The following KIF2A variants were observed in gnomAD, a reference collection of about 807,000 sequenced individuals.
KIF2A encodes the protein kinesin family member 2A.
KIF2A carries 22 observed loss-of-function variants against 100.2 expected under a neutral mutation model. The observed-to-expected ratio is 0.22, with a 90% CI of 0.16 to 0.31. KIF2A has a LOEUF of 0.31. Among genes scored for constraint, KIF2A ranks in the 10% least tolerant of loss-of-function variants. KIF2A has a pLI of 1.00. For synonymous variants in KIF2A, 268 were observed against 285.9 expected (o/e 0.94, Z 0.63); for missense variants, 495 against 898.7 (o/e 0.55, Z 5.74).
rs1371071130 is a variant in KIF2A, at chr5:62,347,230, A to G, written c.159+6A>G. ...GAGATACAAAAGGCAAAGAGGTAAG[A>G]TCACTGAGTTTAATTTTATTCCTAG... On this transcript the variant is annotated splice_donor_region_variant and intron_variant, in intron 2 of 20. Coordinates refer to ENST00000407818, the MANE Select transcript of KIF2A (RefSeq NM_001098511.3). 5.5e-6 allele frequency: 8 copies of G among 1,458,978 alleles called. No individual in the cohort carries two copies. In the African/African-American group the frequency reaches 1.1e-4, roughly 20 times the overall value. The allele number at this position is 1,458,978 out of a possible 1,614,324, so 90.4% of individuals were successfully genotyped here.
At chr5:62,358,726 A>C (rs1176512658) in intron 9 of KIF2A, among the ~76,000 whole-genome samples, 1 of 152,200 alleles carries the variant, frequency 6.6e-6, no homozygotes, top group African/African-American at 2.4e-5. Flanking sequence ...GCTGGAGTGC[A>C]GTGGCACGAT....
intron 1 of KIF2A, among the ~76,000 whole-genome samples, chr5:62,339,894 C>G (rs1002115803): frequency 6.7e-6 from 1 of 148,982 alleles, no homozygotes; most frequent in Non-Finnish European, 1.5e-5. Flanking sequence ...AAAGAAAAGC[C>G]AAAATATGAT....
chr5:62,347,504 T>C (rs1194478226), intron 2 of KIF2A, among the ~76,000 whole-genome samples: 1 of 152,252 alleles, frequency 6.6e-6, no homozygotes, highest in Non-Finnish European at 1.5e-5. Context: ...TATGTGGTTC[T>C]ATTGGTCACT....
Position 62,373,719 on chromosome 5 carries a change from C to T in KIF2A, c.1793C>T (p.Ala598Val). The T allele has an allele frequency of 6.2e-7, 1 of 1,613,546 alleles. No individual in the cohort carries two copies. The highest frequency in any genetic ancestry group is 1.1e-5 in the South Asian group (1 of 91,060). The change falls in exon 18 of 21, where the codon GCT (alanine) becomes GTT (valine). Residue 598 changes from alanine (A) to valine (V), a missense_variant. By Grantham distance (64) the Ala-to-Val change is moderately conservative. Transcript: ENST00000407818. Reference protein sequence around the residue: ...VKELTVDPTAAGDVRPIMHHP... With the variant: ...VKELTVDPTAVGDVRPIMHHP... Reference sequence around the variant, plus strand: ...GAATTGACTGTAGATCCAACTGCTGCTGGTGATGTTCGTCCAATAATGCAC... The same window carrying T: ...GAATTGACTGTAGATCCAACTGCTGTTGGTGATGTTCGTCCAATAATGCAC...
intron 15 of KIF2A, 22 bp downstream of exon 15, chr5:62,365,375 GTTTGT>G (rs770566509): frequency 7.9e-7 from 1 of 1,272,298 alleles, no homozygotes; most frequent in South Asian, 1.3e-5. Flanking sequence ...TTTATTTTTT[GTTTGT>G]TTTATTTTAA....
At position 62,372,502 on chromosome 5, in the gene KIF2A, G is replaced by T. The variant is rs373103381; in HGVS notation, c.1711G>T (p.Asp571Tyr). The change falls in exon 17 of 21, where the codon GAT becomes TAT. Residue 571 changes from aspartate to tyrosine, a missense_variant. This residue lies in a region of KIF2A where 100 missense variants were observed against 138.2 expected (regional missense o/e 0.72). Coordinates refer to ENST00000407818, the MANE Select transcript of KIF2A (RefSeq NM_001098511.3). ...PFSQGSGSRP[D>Y]LSPSYEYDDF... ...CTCACAGGGTAGTGGCAGTCGCCCT[G>T]ATCTCTCTCCTTCTTATGAATATGA... 1.9e-6 allele frequency: 3 copies of T among 1,612,948 alleles called. No homozygotes were observed. Among genetic ancestry groups the T allele is most frequent in the Non-Finnish European group, 2.5e-6 (3 of 1,179,184 alleles).
At chr5:62,311,497 A>G (rs765891573) in intron 1 of KIF2A, among the ~76,000 whole-genome samples, 1 of 152,216 alleles carries the variant, frequency 6.6e-6, no homozygotes, top group South Asian at 2.1e-4. Flanking sequence ...GAAGATTTCA[A>G]AGGACCCATC....
At chr5:62,348,603 A>G (rs746703446) in intron 3 of KIF2A, among the ~76,000 whole-genome samples, 8 of 152,214 alleles carry the variant, frequency 5.3e-5, no homozygotes, top group African/African-American at 2.4e-5. Context: ...GTTCACTTCT[A>G]TATTGACTGT....
At position 62,363,842 on chromosome 5, in the gene KIF2A, G is replaced by A. The variant is rs754391420; in HGVS notation, c.1410G>A (p.Ala470=). The A allele has an allele frequency of 3.0e-5, 49 of 1,613,638 alleles. No individual in the cohort carries two copies. The highest frequency in any genetic ancestry group is 4.0e-5 in the African/African-American group (3 of 74,886). ...GNERGADTSS[A]DRQTRLEGAE... Reference sequence around the variant, plus strand: ...AAAGAGGAGCTGATACTTCCAGTGCGGACAGGCAAACTAGGCTTGAAGGTG... The same window carrying A: ...AAAGAGGAGCTGATACTTCCAGTGCAGACAGGCAAACTAGGCTTGAAGGTG... Residue 470 remains alanine, a synonymous_variant, in exon 14 of 21, where the codon GCG becomes GCA. Transcript: ENST00000407818.
intron 16 of KIF2A, among the ~76,000 whole-genome samples, chr5:62,366,925 A>T (rs1033178567): frequency 2.0e-5 from 3 of 152,224 alleles, no homozygotes; most frequent in African/African-American, 7.2e-5. Context: ...TTATTCCTTA[A>T]GATGACAATA....
rs147311325 is a variant in KIF2A at position 62,343,036 on chromosome 5, G to A, written c.65-4094G>A. 5.2e-3 allele frequency among the ~76,000 whole-genome samples: 796 copies of A among 152,258 alleles called. 8 individuals are homozygous for A. Among genetic ancestry groups the A allele is most frequent in the African/African-American group, 0.018 (749 of 41,550 alleles). On this transcript the variant is annotated intron_variant, in intron 1 of 20. Coordinates refer to ENST00000407818, the MANE Select transcript of KIF2A (RefSeq NM_001098511.3). ...CAAAGTGCTGGGATTACAGGCGTGAGCCACCGCACCCAGCCTGGTCTGAAA... is the reference window on the plus strand; with the variant it reads ...CAAAGTGCTGGGATTACAGGCGTGAACCACCGCACCCAGCCTGGTCTGAAA...
chr5:62,345,532 T>C (rs1002336137), intron 1 of KIF2A, among the ~76,000 whole-genome samples: 5 of 151,200 alleles, frequency 3.3e-5, no homozygotes, highest in African/African-American at 1.2e-4. Context: ...GCACAGTGGC[T>C]CACACCTGTA....
rs1742103967 is a variant in KIF2A at position 62,387,730 on chromosome 5, T to G, written c.*2161T>G. ...ACAAGTGAACTCTGCAAAATAGTTTTGTGAAATTAAACAAAAAAATCTACT... is the reference window on the plus strand; with the variant it reads ...ACAAGTGAACTCTGCAAAATAGTTTGGTGAAATTAAACAAAAAAATCTACT... On this transcript the variant is annotated 3_prime_UTR_variant, in exon 21 of 21. Coordinates refer to ENST00000407818, the MANE Select transcript of KIF2A (RefSeq NM_001098511.3). 6.6e-6 allele frequency: 1 copy of G among 150,728 alleles called. No individual in the cohort carries two copies. Among genetic ancestry groups the G allele is most frequent in the Non-Finnish European group, 1.5e-5 (1 of 67,850 alleles). The allele number at this position is 150,728 out of a possible 1,614,324, so 9.3% of individuals were successfully genotyped here. A position where few individuals can be genotyped will look rare whatever the true frequency, so the allele number is the denominator to read the frequency against.
intron 1 of KIF2A, among the ~76,000 whole-genome samples, chr5:62,309,993 A>G (rs1254981086): frequency 1.3e-5 from 2 of 151,774 alleles, no homozygotes; most frequent in East Asian, 3.9e-4. Context: ...CTCTCAGCTC[A>G]TACCTATGGG....
At chr5:62,347,799 T>A (rs1407840684) in intron 2 of KIF2A, among the ~76,000 whole-genome samples, 1 of 152,004 alleles carries the variant, frequency 6.6e-6, no homozygotes. Context: ...AATTTTTGTA[T>A]TTTTTGTAGA....
At chr5:62,359,233 AATAATT>A (rs1327017789) in intron 9 of KIF2A, among the ~76,000 whole-genome samples, 2 of 152,172 alleles carry the variant, frequency 1.3e-5, no homozygotes, top group African/African-American at 2.4e-5. Flanking sequence ...ATTCATTTCT[AATAATT>A]ATAACACCAG....
intron 1 of KIF2A, among the ~76,000 whole-genome samples, chr5:62,321,341 TATTTTC>T (rs1359581803): frequency 6.6e-6 from 1 of 152,190 alleles, no homozygotes; most frequent in Non-Finnish European, 1.5e-5. Flanking sequence ...ACTGCTGTAT[TATTTTC>T]AAAAGTGGCT....
Position 62,385,686 on chromosome 5 carries a change from C to A in KIF2A, c.*117C>A. On this transcript the variant is annotated 3_prime_UTR_variant, in exon 21 of 21. Transcript: ENST00000407818. ...TAAGTGTCTGTGGAAAATGTTTTGT[C>A]CTTCACCTGAATTACATTTCAATTT... 1.5e-6 allele frequency: 1 copy of A among 678,784 alleles called. No individual in the cohort carries two copies. Among genetic ancestry groups the A allele is most frequent in the South Asian group, 2.0e-5 (1 of 50,688 alleles). The allele number at this position is 678,784 out of a possible 1,614,324, so 42.0% of individuals were successfully genotyped here.
intron 19 of KIF2A, among the ~76,000 whole-genome samples, chr5:62,379,041 C>T (rs1206212772): frequency 6.6e-6 from 1 of 151,818 alleles, no homozygotes; most frequent in Non-Finnish European, 1.5e-5. Flanking sequence ...TTTGGGAGGC[C>T]AGGGTGGATG....
Sources: gnomAD v4.1 joint callset for allele counts (sites outside exome capture counted in the v4.1 genomes callset) on GRCh38, gnomAD v4.1.1 for gene constraint, gnomAD v4.1.1 regional missense constraint, MANE v1.5 for transcripts, NCBI Gene and HGNC (gene_info 2026-07-23, HGNC 2026-07-21) for gene names.